The following COG7 variants were observed in gnomAD, a reference collection of about 807,000 sequenced individuals.
COG7 encodes the protein conserved oligomeric Golgi complex subunit 7.
Under a neutral mutation model 91.5 loss-of-function variants are expected in COG7, and 49 were observed. The ratio of observed to expected loss-of-function variants is 0.54; its 90% CI spans 0.43 to 0.68. COG7 has a LOEUF of 0.68. Ranked by LOEUF, COG7 falls within the 30% of genes least tolerant of loss-of-function variation. The pLI is 0.00. For missense variants in COG7, 895 were observed against 961.3 expected (o/e 0.93, Z 0.91); for synonymous variants, 365 against 388.7 (o/e 0.94, Z 0.72).
intron 4 of COG7, among the ~76,000 whole-genome samples, chr16:23,436,519 G>A (rs1219313946): frequency 6.6e-6 from 1 of 152,062 alleles, no homozygotes; most frequent in Non-Finnish European, 1.5e-5. Context: ...GGATCATCTG[G>A]GGTCAGGAGC....
chr16:23,449,271 G>A (rs1964227096), intron 1 of COG7, among the ~76,000 whole-genome samples: 1 of 151,868 alleles, frequency 6.6e-6, no homozygotes. Flanking sequence ...GCTGAGGCAG[G>A]AGAATGGTGT....
At chr16:23,421,269 CAACA>C (rs1963751966) in intron 7 of COG7, among the ~76,000 whole-genome samples, 1 of 151,670 alleles carries the variant, frequency 6.6e-6, no homozygotes, top group Middle Eastern at 3.4e-3. Flanking sequence ...AATATATTTA[CAACA>C]TATTTGATAA....
At chr16:23,390,959 G>A (rs560171081) in intron 16 of COG7, among the ~76,000 whole-genome samples, 8 of 152,238 alleles carry the variant, frequency 5.3e-5, no homozygotes, top group South Asian at 2.1e-4. Context: ...TTTGTTTGGC[G>A]AGCAGTGTTT....
intron 6 of COG7, among the ~76,000 whole-genome samples, chr16:23,430,631 T>C (rs1963919795): frequency 6.6e-6 from 1 of 151,492 alleles, no homozygotes; most frequent in Admixed American, 6.6e-5. Flanking sequence ...AACCTCCACC[T>C]CCCAGGTTCA....
At chr16:23,393,527 C>A in intron 14 of COG7, 180 bp from the exon 15 acceptor site, 1 of 616,162 alleles carries the variant, frequency 1.6e-6, no homozygotes, top group Non-Finnish European at 2.9e-6. Flanking sequence ...AAAAGAATCA[C>A]TGGTAGCTTG....
At chr16:23,407,427 C>T (rs562484492) in intron 11 of COG7, among the ~76,000 whole-genome samples, 1 of 152,346 alleles carries the variant, frequency 6.6e-6, no homozygotes, top group Admixed American at 6.5e-5. Context: ...TCTACTTAAT[C>T]TGTCCTCCTA....
At chr16:23,390,510 C>A (rs770348426) in intron 16 of COG7, among the ~76,000 whole-genome samples, 4 of 151,624 alleles carry the variant, frequency 2.6e-5, no homozygotes, top group African/African-American at 7.3e-5. Context: ...AGTGCCCCCC[C>A]ACCGGCTACT....
intron 10 of COG7, 33 bp from the exon 11 acceptor site, chr16:23,410,393 T>C: frequency 6.4e-7 from 1 of 1,566,686 alleles, no homozygotes; most frequent in Non-Finnish European, 8.8e-7. Flanking sequence ...CAAGTTCAAG[T>C]ATCTGGAATG....
At chr16:23,392,306 G>A (rs774700621) in intron 16 of COG7, 74 bp downstream of exon 16, 40 of 1,604,862 alleles carry the variant, frequency 2.5e-5, no homozygotes, top group Non-Finnish European at 3.1e-5. Flanking sequence ...GAGATTCCTG[G>A]AGGGCAAAGG....
intron 14 of COG7, chr16:23,393,610 C>T: frequency 2.0e-6 from 1 of 493,204 alleles, no homozygotes; most frequent in Non-Finnish European, 3.7e-6. Flanking sequence ...CAATCTCTAT[C>T]TCCAATGAAG....
At chr16:23,411,558 G>A (rs1963562114) in intron 10 of COG7, among the ~76,000 whole-genome samples, 1 of 152,146 alleles carries the variant, frequency 6.6e-6, no homozygotes, top group South Asian at 2.1e-4. Context: ...GTGCAGGTTT[G>A]TTAATAGGTA....
At chr16:23,440,959 A>G (rs1201666030) in intron 4 of COG7, among the ~76,000 whole-genome samples, 1 of 152,118 alleles carries the variant, frequency 6.6e-6, no homozygotes, top group African/African-American at 2.4e-5. Context: ...GCAGGCAAAC[A>G]TCCAAAAGAG....
chr16:23,400,980 G>C (rs542717777), intron 13 of COG7, among the ~76,000 whole-genome samples: 1 of 145,314 alleles, frequency 6.9e-6, no homozygotes, highest in Non-Finnish European at 1.5e-5. Context: ...AAAAAAAAAA[G>C]GGGGGGGGGA....
intron 3 of COG7, 96 bp downstream of exon 3, chr16:23,444,952 G>C (rs1168954448): frequency 2.2e-6 from 2 of 908,024 alleles, no homozygotes; most frequent in Non-Finnish European, 3.7e-6. Flanking sequence ...TCTGAATGCT[G>C]CTATTGGCTA....
intron 4 of COG7, 53 bp from the exon 5 acceptor site, chr16:23,434,771 T>A: frequency 7.4e-7 from 1 of 1,358,364 alleles, no homozygotes. Flanking sequence ...GGTGTAGACA[T>A]GAGAAAAAAC....
intron 6 of COG7, among the ~76,000 whole-genome samples, chr16:23,427,090 A>C (rs1963861112): frequency 6.6e-6 from 1 of 152,066 alleles, no homozygotes. Flanking sequence ...CTCTACAAAA[A>C]ATGTTCAAAA....
chr16:23,401,287 C>T (rs1310024586), intron 13 of COG7, among the ~76,000 whole-genome samples: 1 of 152,154 alleles, frequency 6.6e-6, no homozygotes, highest in African/African-American at 2.4e-5. Flanking sequence ...TGTGCTGGCA[C>T]CCTCGGAGTG....
chr16:23,416,568 A>G, intron 9 of COG7: 1 of 287,100 alleles, frequency 3.5e-6, no homozygotes, highest in Non-Finnish European at 6.7e-6. Context: ...CCTGAGTTTA[A>G]GCAATCCACC....
chr16:23,448,687 A>ACT (rs1170939967), intron 1 of COG7, among the ~76,000 whole-genome samples: 2 of 151,322 alleles, frequency 1.3e-5, no homozygotes, highest in Non-Finnish European at 2.9e-5. Flanking sequence ...TGCATATGTT[A>ACT]CTCTCTCTCT....
Sources: gnomAD v4.1 joint callset for allele counts (sites outside exome capture counted in the v4.1 genomes callset) on GRCh38, gnomAD v4.1.1 for gene constraint, MANE v1.5 for transcripts, NCBI Gene and HGNC (gene_info 2026-07-23, HGNC 2026-07-21) for gene names.